The following NTM variants were observed in gnomAD, a reference collection of about 807,000 sequenced individuals.
NTM encodes IgLON family member 2.
Under a neutral mutation model 42.1 loss-of-function variants are expected in NTM, and 13 were observed. That is an observed-to-expected ratio of 0.31 (90% CI 0.20 to 0.49). The LOEUF is 0.49. NTM is among the 20% of genes least tolerant of loss of function. The pLI, the probability that NTM is intolerant of heterozygous loss-of-function variation, is 0.99. For missense variants in NTM, 373 were observed against 452.8 expected (o/e 0.82, Z 1.60); for synonymous variants, 187 against 179.2 (o/e 1.04, Z -0.35).
intron 2 of NTM, among the ~76,000 whole-genome samples, chr11:131,983,453 G>A (rs1170077774): frequency 2.2e-5 from 3 of 139,410 alleles, no homozygotes; most frequent in African/African-American, 5.5e-5. Flanking sequence ...TTGGCTCACT[G>A]CAACCTCTGC....
At chr11:132,046,575 C>T (rs2078031144) in intron 2 of NTM, among the ~76,000 whole-genome samples, 1 of 152,252 alleles carries the variant, frequency 6.6e-6, no homozygotes, top group South Asian at 2.1e-4. Context: ...CAGCAAGCTT[C>T]CCCCACTTTT....
At chr11:131,552,388 A>C (rs955151052) in intron 1 of NTM, among the ~76,000 whole-genome samples, 1 of 151,982 alleles carries the variant, frequency 6.6e-6, no homozygotes, top group African/African-American at 2.4e-5. Flanking sequence ...GTTGAAAGAA[A>C]TGTGTGTACA....
rs563741675 is a variant in NTM, at chr11:131,770,711, T to A, written c.83-140853T>A. 1.2e-3 allele frequency: 181 copies of A among 152,280 alleles called. 2 individuals carry two copies. The highest frequency in any genetic ancestry group is 4.2e-3 in the African/African-American group (174 of 41,556). The allele number at this position is 152,280 out of a possible 1,614,324, so 9.4% of individuals were successfully genotyped here. On this transcript the variant is annotated intron_variant, in intron 1 of 8. Transcript: ENST00000683400. ...AGATCTGTTTGAAGTCTTCCATTGT[T>A]TTTTTCTCTCTCCCAGTTGGGAACA... is the stretch of plus-strand genomic sequence containing the variant.
intron 1 of NTM, among the ~76,000 whole-genome samples, chr11:131,882,490 T>C (rs1310662928): frequency 2.6e-5 from 4 of 152,242 alleles, no homozygotes; most frequent in African/African-American, 4.8e-5. Flanking sequence ...ACATCTGGAA[T>C]AATATTTAAT....
intron 1 of NTM, among the ~76,000 whole-genome samples, chr11:131,412,170 C>T (rs1363346819): frequency 6.6e-6 from 1 of 152,158 alleles, no homozygotes; most frequent in African/African-American, 2.4e-5. Context: ...CTGGAAACTC[C>T]TGCCAGAAGG....
intron 7 of NTM, among the ~76,000 whole-genome samples, chr11:132,328,253 G>C (rs1351103673): frequency 6.6e-6 from 1 of 152,184 alleles, no homozygotes; most frequent in Admixed American, 6.5e-5. Context: ...CCTCATTGTG[G>C]CGGGCTAGAA....
chr11:131,993,882 A>T (rs1378844778), intron 2 of NTM, among the ~76,000 whole-genome samples: 1 of 151,912 alleles, frequency 6.6e-6, no homozygotes, highest in Non-Finnish European at 1.5e-5. Flanking sequence ...GTGTGCCTGT[A>T]ATCCCAGCTA....
chr11:132,071,169 C>A (rs1236508953), intron 2 of NTM, among the ~76,000 whole-genome samples: 1 of 141,646 alleles, frequency 7.1e-6, no homozygotes, highest in Non-Finnish European at 1.6e-5. Context: ...AACTGACCAT[C>A]ACAGGTTAGT....
At chr11:131,815,664 C>A (rs2092922974) in intron 1 of NTM, among the ~76,000 whole-genome samples, 1 of 152,212 alleles carries the variant, frequency 6.6e-6, no homozygotes, top group Non-Finnish European at 1.5e-5. Flanking sequence ...CCCCCAGCCC[C>A]TCGGATCAGG....
In NTM at chr11:131,391,671, AAAG is replaced by A. The variant is rs1205509540; in HGVS notation, c.82+20790_82+20792del. ...AAAAAAAAAAAAAAAAAAGAAAAGAAAAGAAGAAGGCTAGGATTGGGTGCGGGA... is the reference window on the plus strand; with the variant it reads ...AAAAAAAAAAAAAAAAAAGAAAAGAAAAGAAGGCTAGGATTGGGTGCGGGA... On this transcript the variant is annotated intron_variant, in intron 1 of 8. Coordinates refer to ENST00000683400, the MANE Select transcript of NTM (RefSeq NM_001352005.2). Among the ~76,000 whole-genome samples the A allele has an allele frequency of 3.3e-5, 5 of 150,972 alleles. No individual in the cohort carries two copies. In the South Asian group the frequency reaches 6.3e-4, roughly 19 times the overall value.
chr11:131,491,944 T>G (rs996865948), intron 1 of NTM, among the ~76,000 whole-genome samples: 2 of 152,202 alleles, frequency 1.3e-5, no homozygotes, highest in African/African-American at 4.8e-5. Flanking sequence ...GGCACTAGCT[T>G]GAGCACTTTA....
At chr11:131,574,287 C>T (rs916687301) in intron 1 of NTM, among the ~76,000 whole-genome samples, 1 of 152,170 alleles carries the variant, frequency 6.6e-6, no homozygotes, top group African/African-American at 2.4e-5. Flanking sequence ...GTTAGTGACC[C>T]ATTAGCTAAA....
At chr11:131,559,398 A>AATATG (rs1309857731) in intron 1 of NTM, among the ~76,000 whole-genome samples, 1 of 152,158 alleles carries the variant, frequency 6.6e-6, no homozygotes, top group Non-Finnish European at 1.5e-5. Flanking sequence ...CTGTCTTTTT[A>AATATG]CTTTTAAGAA....
chr11:131,642,577 C>T (rs1198537128), intron 1 of NTM, among the ~76,000 whole-genome samples: 2 of 152,124 alleles, frequency 1.3e-5, no homozygotes, highest in Non-Finnish European at 1.5e-5. Context: ...GGGCTAACCA[C>T]GTTCCCTGGA....
chr11:132,283,844 G>A (rs142763005), intron 4 of NTM, among the ~76,000 whole-genome samples: 112 of 152,244 alleles, frequency 7.4e-4, no homozygotes, highest in Non-Finnish European at 1.2e-3. Flanking sequence ...ACCAGTAACC[G>A]TGTCTGCAGA....
chr11:131,850,670 T>G (rs1299145650), intron 1 of NTM, among the ~76,000 whole-genome samples: 1 of 152,144 alleles, frequency 6.6e-6, no homozygotes, highest in Non-Finnish European at 1.5e-5. Context: ...TCTAATGAGG[T>G]GAGCAGCAGC....
intron 4 of NTM, among the ~76,000 whole-genome samples, chr11:132,283,403 C>T (rs2094085037): frequency 6.6e-6 from 1 of 152,144 alleles, no homozygotes; most frequent in South Asian, 2.1e-4. Flanking sequence ...AAGGGAGTGG[C>T]TCAAGATAAT....
chr11:131,501,423 G>A (rs1326260900), intron 1 of NTM, among the ~76,000 whole-genome samples: 1 of 152,154 alleles, frequency 6.6e-6, no homozygotes, highest in East Asian at 1.9e-4. Context: ...AGAAGGGGTT[G>A]AGGACATGTT....
chr11:131,701,864 G>A (rs1404943084), intron 1 of NTM, among the ~76,000 whole-genome samples: 10 of 152,132 alleles, frequency 6.6e-5, no homozygotes. Context: ...GGACCCCAGT[G>A]CAAAATGAAA....
Sources: allele counts gnomAD v4.1 joint callset (sites outside exome capture counted in the v4.1 genomes callset), GRCh38; gene constraint gnomAD v4.1.1; transcripts MANE v1.5; gene names NCBI Gene and HGNC (gene_info 2026-07-23, HGNC 2026-07-21).